MLXIPL: variants seen among roughly 807,000 people sequenced by gnomAD.
MLXIPL encodes the protein MLX interacting protein like, also known as carbohydrate-responsive element-binding protein.
In MLXIPL, 49 loss-of-function variants were observed where a neutral mutation model predicts 81.5. The ratio of observed to expected loss-of-function variants is 0.60; its 90% CI spans 0.48 to 0.76. MLXIPL has a LOEUF of 0.76. Ranked by LOEUF, MLXIPL falls within the 30% of genes least tolerant of loss-of-function variation. MLXIPL has a pLI of 0.00. For synonymous variants in MLXIPL, 466 were observed against 485.5 expected, an observed-to-expected ratio of 0.96 and a Z score of 0.53; for missense variants, 1,053 against 1,167.0, an observed-to-expected ratio of 0.90 and a Z score of 1.42.
the MLXIPL span, among the ~76,000 whole-genome samples, chr7:73,631,612 G>C: frequency 1.1e-3 from 137 of 122,794 alleles, no homozygotes; most frequent in African/African-American, 4.3e-3. Flanking sequence ...CTGCTATGCT[G>C]CCTAGGCTGG....
chr7:73,602,130 G>GCCTGCCTTCCTTCCTTTCTTCCTTCCTT (rs1461829446), intron 7 of MLXIPL, among the ~76,000 whole-genome samples: 2 of 80,508 alleles, frequency 2.5e-5, no homozygotes, highest in African/African-American at 1.1e-4. Flanking sequence ...CTGCCTGCCT[G>GCCTGCCTTCCTTCCTTTCTTCCTTCCTT]CCTTCCTTCC....
chr7:73,607,077 C>T, intron 4 of MLXIPL, 59 bp from the exon 5 acceptor site: 1 of 1,587,984 alleles, frequency 6.3e-7, no homozygotes, highest in Non-Finnish European at 8.6e-7. Flanking sequence ...ATCACTTTCC[C>T]CCCAAAGTCT....
the MLXIPL span, among the ~76,000 whole-genome samples, chr7:73,640,006 G>A: frequency 6.6e-6 from 1 of 151,706 alleles, no homozygotes; most frequent in South Asian, 2.1e-4. Flanking sequence ...AGCTTGCAGT[G>A]AGCCAAGATC....
intron 7 of MLXIPL, among the ~76,000 whole-genome samples, chr7:73,600,526 G>C (rs1464783789): frequency 2.4e-5 from 1 of 42,324 alleles, no homozygotes; most frequent in African/African-American, 1.1e-4. Context: ...GGCTCCAAGT[G>C]GGGGGGGGGT....
Position 73,596,288 on chromosome 7 carries a change from G to T in MLXIPL, c.1939-16C>A. ...GGTTCTCGGTCTCGGGGAGCAGAGA[G>T]TTGGGTGAGCCTAGGAAGGAGCCCA... On this transcript the variant is annotated splice_polypyrimidine_tract_variant and intron_variant, in intron 12 of 16. Coordinates refer to ENST00000313375, the MANE Select transcript of MLXIPL (RefSeq NM_032951.3). This position sits in a 1 kb window ranked among gnomAD's most constrained non-coding sequence, Gnocchi z 4.7. 1 of 1,612,884 alleles carries T rather than the reference G, an allele frequency of 6.2e-7. No individual in the cohort carries two copies.
At chr7:73,605,617 G>GGGAT (rs781978426) in intron 7 of MLXIPL, 71 bp downstream of exon 7, 302 of 1,427,048 alleles carry the variant, frequency 2.1e-4, no homozygotes, top group Middle Eastern at 7.1e-4. Context: ...AGAGGGGCCT[G>GGGAT]GGATGGGCTC....
At chr7:73,621,430 G>C (rs1021793519) in intron 1 of MLXIPL, among the ~76,000 whole-genome samples, 1 of 151,438 alleles carries the variant, frequency 6.6e-6, no homozygotes, top group Non-Finnish European at 1.5e-5. Flanking sequence ...CCTGATTCAG[G>C]TGGGTCCCTG....
rs111841919 is a variant in MLXIPL at position 73,607,108 on chromosome 7, G to A, written c.574-90C>T. The A allele has an allele frequency of 1.5e-5, 22 of 1,515,354 alleles. No individual in the cohort carries two copies. In the African/African-American group the frequency reaches 2.9e-4, roughly 20 times the overall value. 93.9% of individuals were successfully genotyped at this position (1,515,354 alleles called of 1,614,324 possible). On this transcript the variant is annotated intron_variant, in intron 4 of 16. Transcript: ENST00000313375. ...AGTCTCCTCTACTCACAAGCGATGA[G>A]ATCCCCCATTTCCCATCAGGAGCTC...
the MLXIPL span, among the ~76,000 whole-genome samples, chr7:73,637,623 T>G: frequency 1.6e-4 from 25 of 152,072 alleles, no homozygotes; most frequent in African/African-American, 5.6e-4. Flanking sequence ...AGGACCATGG[T>G]CCCCATTGCC....
intron 2 of MLXIPL, among the ~76,000 whole-genome samples, chr7:73,612,693 G>T (rs1795770346): frequency 6.6e-6 from 1 of 151,316 alleles, no homozygotes; most frequent in African/African-American, 2.4e-5. Flanking sequence ...TCAGGGCCAA[G>T]TGAAGCCCCC....
Position 73,594,445 on chromosome 7 carries a change from C to T in MLXIPL, c.2311-42G>A, listed in dbSNP as rs782655888. ...GAGCTGCCTGTGGTCCAGCTGGTCC[C>T]CCCACACCACGTGGAGCCCTGATGC... On this transcript the variant is annotated intron_variant, in intron 15 of 16. Transcript: ENST00000313375. 2.5e-6 allele frequency: 4 copies of T among 1,598,884 alleles called. No individual in the cohort carries two copies. In the Admixed American group the frequency reaches 6.7e-5, roughly 27 times the overall value.
Position 73,605,731 on chromosome 7 carries a change from C to T in MLXIPL, c.858G>A (p.Leu286=). ...VGNADMIQPD[L]TPLQPSLDDF... is the part of the protein sequence containing the mutation. ...CATCCAGGCTTGGCTGCAGTGGCGT[C>T]AGGTCCGGCTGGATCATGTCAGCAT... The change falls in exon 7 of 17, where the codon CTG becomes CTA. Residue 286 remains leucine, a synonymous_variant. Coordinates refer to ENST00000313375, the MANE Select transcript of MLXIPL (RefSeq NM_032951.3). 1 of 1,613,740 alleles carries T rather than the reference C, an allele frequency of 6.2e-7. No individual in the cohort carries two copies. Among genetic ancestry groups the T allele is most frequent in the Non-Finnish European group, 8.5e-7 (1 of 1,179,898 alleles).
intron 2 of MLXIPL, chr7:73,610,261 T>A (rs1795603936): frequency 6.6e-6 from 1 of 152,208 alleles, no homozygotes; most frequent in African/African-American, 2.4e-5. Context: ...TGGTGTCATT[T>A]CTCACAGGGA....
At position 73,614,502 on chromosome 7, in the gene MLXIPL, G is replaced by A. The variant is rs797025209; in HGVS notation, c.400+1569C>T. On this transcript the variant is annotated intron_variant, in intron 2 of 16. Transcript: ENST00000313375. ...TCTCCCTGCTTGGATGAAATCCAGC[G>A]GGGCGAGGACAGAGAATACTGCGTG... 3.0e-4 allele frequency among the ~76,000 whole-genome samples: 45 copies of A among 152,260 alleles called. 1 individual carries two copies. The highest frequency in any genetic ancestry group is 9.1e-4 in the African/African-American group (38 of 41,548).
chr7:73,639,831 G>C, the MLXIPL span, among the ~76,000 whole-genome samples: 1 of 151,936 alleles, frequency 6.6e-6, no homozygotes, highest in East Asian at 1.9e-4. Context: ...GGCTGAGGCG[G>C]GTGGATCACG....
chr7:73,607,491 C>T (rs1477653078), intron 3 of MLXIPL, 71 bp from the exon 4 acceptor site: 1 of 1,540,406 alleles, frequency 6.5e-7, no homozygotes, highest in African/African-American at 1.4e-5. Flanking sequence ...CACCCTTCAC[C>T]CCATCCCTGT....
the MLXIPL span, among the ~76,000 whole-genome samples, chr7:73,634,619 T>C: frequency 6.6e-6 from 1 of 151,934 alleles, no homozygotes; most frequent in East Asian, 1.9e-4. Flanking sequence ...CTCGAACTCC[T>C]GACCTCAAGT....
At chr7:73,607,563 T>TGGGCAGGC (rs1554598684) in intron 3 of MLXIPL, 27 bp downstream of exon 3, 4 of 1,609,314 alleles carry the variant, frequency 2.5e-6, no homozygotes, top group East Asian at 2.2e-5. Context: ...GGTGGGCAGG[T>TGGGCAGGC]GGGCAGGCGG....
chr7:73,624,154 T>G, intron 1 of MLXIPL, 46 bp downstream of exon 1: 1 of 594,506 alleles, frequency 1.7e-6, no homozygotes. Context: ...CCCCCCCCCA[T>G]CCCCACCTGG....
Sources: allele counts gnomAD v4.1 joint callset (sites outside exome capture counted in the v4.1 genomes callset), GRCh38; gene constraint gnomAD v4.1.1; non-coding constraint Gnocchi (gnomAD v3.1); transcripts MANE v1.5; gene names NCBI Gene and HGNC (gene_info 2026-07-23, HGNC 2026-07-21).